NAV2: variants seen among roughly 807,000 people sequenced by gnomAD.
NAV2 encodes the protein helicase, APC down-regulated 1.
Under a neutral mutation model 223.2 loss-of-function variants are expected in NAV2, and 54 were observed. The ratio of observed to expected loss-of-function variants is 0.24; its 90% CI spans 0.19 to 0.30. The LOEUF is 0.30. NAV2 is among the 10% of genes least tolerant of loss of function. NAV2 has a pLI of 1.00. For missense variants in NAV2, 2,806 were observed against 3,147.5 expected (o/e 0.89, Z 2.60); for synonymous variants, 1,279 against 1,239.3 (o/e 1.03, Z -0.67).
chr11:19,896,912 T>C (rs1022074716), intron 6 of NAV2, among the ~76,000 whole-genome samples: 16 of 152,208 alleles, frequency 1.1e-4, no homozygotes, highest in African/African-American at 3.9e-4. Context: ...TAAATCATGC[T>C]GCTATAAAGA....
chr11:19,770,443 G>C (rs573003437), intron 1 of NAV2, among the ~76,000 whole-genome samples: 1 of 152,166 alleles, frequency 6.6e-6, no homozygotes, highest in East Asian at 1.9e-4. Context: ...AAGGGGGTCA[G>C]AGGTCTCCCA....
Position 20,016,838 on chromosome 11 carries a change from CAAAA to C in NAV2, c.2769-19106_2769-19103del, listed in dbSNP as rs34115097. ...TGGCAAAACCCTGTCTACTAAAATA[CAAAA>C]AAAAAAAAAAAAAATTAGCCAGGTG... is the stretch of plus-strand genomic sequence containing the variant. On this transcript the variant is annotated intron_variant, in intron 11 of 37. Transcript: ENST00000349880. 1.6e-3 allele frequency among the ~76,000 whole-genome samples: 234 copies of C among 145,400 alleles called. 2 individuals are homozygous for C. Among genetic ancestry groups the C allele is most frequent in the East Asian group, 6.9e-3 (34 of 4,962 alleles).
chr11:20,072,417 ACT>A (rs1233118334), intron 22 of NAV2, among the ~76,000 whole-genome samples: 2 of 150,724 alleles, frequency 1.3e-5, no homozygotes, highest in African/African-American at 4.9e-5. Context: ...GGCTAGGCAG[ACT>A]CTTTTTTGGT....
At chr11:19,387,440 G>A (rs1346334131) in intron 1 of NAV2, among the ~76,000 whole-genome samples, 1 of 152,140 alleles carries the variant, frequency 6.6e-6, no homozygotes, top group Non-Finnish European at 1.5e-5. Context: ...TGGAGCATGG[G>A]CTGGGAGGTG....
At chr11:19,806,887 G>A (rs2058596650) in intron 1 of NAV2, among the ~76,000 whole-genome samples, 1 of 152,174 alleles carries the variant, frequency 6.6e-6, no homozygotes, top group Admixed American at 6.5e-5. Context: ...TCTATGTAGA[G>A]TGTGATATGA....
At chr11:19,404,881 A>G (rs1279384924) in intron 1 of NAV2, among the ~76,000 whole-genome samples, 1 of 152,014 alleles carries the variant, frequency 6.6e-6, no homozygotes, top group African/African-American at 2.4e-5. Flanking sequence ...TCTTTTTTTA[A>G]GTGTTAATCT....
At chr11:19,785,358 A>G (rs2057028056) in intron 1 of NAV2, among the ~76,000 whole-genome samples, 1 of 152,236 alleles carries the variant, frequency 6.6e-6, no homozygotes, top group African/African-American at 2.4e-5. Context: ...GAGCGAGAAG[A>G]GAGAGCACTT....
chr11:19,786,049 G>GA (rs2057091542), intron 1 of NAV2, among the ~76,000 whole-genome samples: 2 of 151,614 alleles, frequency 1.3e-5, no homozygotes, highest in Non-Finnish European at 1.5e-5. Context: ...GGTCAAAAAA[G>GA]AAAAAAAGGG....
chr11:19,529,077 C>A, intron 1 of NAV2, among the ~76,000 whole-genome samples: 1 of 152,184 alleles, frequency 6.6e-6, no homozygotes, highest in Non-Finnish European at 1.5e-5. Context: ...CACACACACA[C>A]ACTCCAGGTC....
chr11:19,695,564 A>T (rs527674340), intron 1 of NAV2, among the ~76,000 whole-genome samples: 1 of 152,294 alleles, frequency 6.6e-6, no homozygotes, highest in Admixed American at 6.5e-5. Context: ...CCTTATTGTC[A>T]TAAAGAGTTT....
At chr11:19,514,327 G>C (rs1359686128) in intron 1 of NAV2, among the ~76,000 whole-genome samples, 2 of 152,088 alleles carry the variant, frequency 1.3e-5, no homozygotes, top group African/African-American at 2.4e-5. Flanking sequence ...TGTTCACCCA[G>C]GGTTTATGTA....
At chr11:19,719,918 G>A (rs2050623077) in intron 1 of NAV2, among the ~76,000 whole-genome samples, 1 of 152,244 alleles carries the variant, frequency 6.6e-6, no homozygotes, top group African/African-American at 2.4e-5. Flanking sequence ...CAACTAGTCT[G>A]AACTGGCACT....
chr11:20,095,855 T>C (rs1416605678), intron 30 of NAV2, 88 bp downstream of exon 30: 14 of 966,596 alleles, frequency 1.4e-5, no homozygotes, highest in Non-Finnish European at 2.4e-5. Flanking sequence ...TGTCCTGAGC[T>C]TGGCCATTTC....
chr11:19,832,463 G>A lies in NAV2; in HGVS notation c.268-21G>A, dbSNP rs1456675122. 5 of 1,572,372 alleles carry A rather than the reference G, an allele frequency of 3.2e-6. No individual in the cohort carries two copies. The African/African-American group carries it at 6.1e-5, about 19-fold the overall frequency. Reference sequence around the variant, plus strand: ...GGGATCCGACTGGCTTCCTAAAGTTGCCTGTTTGCTTTTTTTACAGATCTA... The same window carrying A: ...GGGATCCGACTGGCTTCCTAAAGTTACCTGTTTGCTTTTTTTACAGATCTA... On this transcript the variant is annotated intron_variant, in intron 1 of 37. Transcript: ENST00000349880.
intron 4 of NAV2, among the ~76,000 whole-genome samples, chr11:19,872,587 G>C (rs1442064623): frequency 6.6e-6 from 1 of 152,250 alleles, no homozygotes; most frequent in Non-Finnish European, 1.5e-5. Flanking sequence ...CTCCTTCTCT[G>C]ATGAAGAAAA....
Position 20,045,464 on chromosome 11 carries a change from G to A in NAV2, c.3696G>A (p.Glu1232=), listed in dbSNP as rs758872441. ...SAGLPVPKLR[E]PSKTALGSSL... ...GCCTGCCAGTGCCCAAACTGAGGGA[G>A]CCTTCCAAAACAGCCCTAGGCAGCT... Residue 1232 remains glutamate (E), a synonymous_variant, in exon 14 of 38, where the codon GAG becomes GAA. Coordinates refer to ENST00000349880, the MANE Select transcript of NAV2 (RefSeq NM_145117.5). The A allele has an allele frequency of 4.3e-6, 7 of 1,614,176 alleles. No individual in the cohort carries two copies. The East Asian group carries it at 1.6e-4, about 36-fold the overall frequency.
intron 1 of NAV2, among the ~76,000 whole-genome samples, chr11:19,361,443 A>G (rs1853934867): frequency 6.6e-6 from 1 of 151,998 alleles, no homozygotes; most frequent in Admixed American, 6.5e-5. Context: ...TGTGAGATTC[A>G]TTGACTTCTT....
intron 20 of NAV2, among the ~76,000 whole-genome samples, chr11:20,064,460 G>C (rs1780675666): frequency 6.6e-6 from 1 of 152,238 alleles, no homozygotes; most frequent in Non-Finnish European, 1.5e-5. Context: ...CATTCCCAAG[G>C]GTTCTTGCCA....
intron 3 of NAV2, 49 bp downstream of exon 3, chr11:19,842,972 G>T: frequency 6.7e-7 from 1 of 1,492,214 alleles, no homozygotes; most frequent in East Asian, 2.3e-5. Flanking sequence ...AGCAAGCCCT[G>T]CCTCTAAGTG....
Sources: allele counts gnomAD v4.1 joint callset (sites outside exome capture counted in the v4.1 genomes callset), GRCh38; gene constraint gnomAD v4.1.1; transcripts MANE v1.5; gene names NCBI Gene and HGNC (gene_info 2026-07-23, HGNC 2026-07-21).